RBFOX1: variants seen among roughly 807,000 people sequenced by gnomAD.
RBFOX1 encodes RNA binding fox-1 homolog 1.
Under a neutral mutation model 57.7 loss-of-function variants are expected in RBFOX1, and 8 were observed. The observed-to-expected ratio is 0.14, with a 90% CI of 0.08 to 0.25. The LOEUF (loss-of-function observed/expected upper bound fraction) is 0.25, where lower values mean the gene tolerates loss of function less well. Ranked by LOEUF, RBFOX1 falls within the 10% of genes least tolerant of loss-of-function variation. The probability of loss-of-function intolerance (pLI) is 1.00; values close to 1 mark genes in which losing one functional copy is unlikely to be tolerated. For synonymous variants in RBFOX1, 326 were observed against 222.4 expected (o/e 1.47, Z -4.15); for missense variants, 611 against 548.5 (o/e 1.11, Z -1.14).
intron 3 of RBFOX1, among the ~76,000 whole-genome samples, chr16:5,638,681 G>C (rs930236178): frequency 1.3e-5 from 2 of 152,196 alleles, no homozygotes; most frequent in Non-Finnish European, 2.9e-5. Context: ...AATGGGTTAA[G>C]GAAGGGAATA....
chr16:5,742,744 G>A (rs779428499), intron 3 of RBFOX1, among the ~76,000 whole-genome samples: 93 of 152,214 alleles, frequency 6.1e-4, no homozygotes, highest in Non-Finnish European at 2.5e-4. Context: ...CCTTGTTTAC[G>A]TCTAGATAGC....
At chr16:6,365,631 A>G (rs1446609159) in intron 2 of RBFOX1, among the ~76,000 whole-genome samples, 1 of 152,136 alleles carries the variant, frequency 6.6e-6, no homozygotes, top group Non-Finnish European at 1.5e-5. Context: ...TAAGGATGAG[A>G]CCACTTCACC....
chr16:5,748,937 C>G (rs544794208), intron 3 of RBFOX1, among the ~76,000 whole-genome samples: 2 of 152,224 alleles, frequency 1.3e-5, no homozygotes, highest in South Asian at 4.2e-4. Context: ...TTATTTTGCT[C>G]GTTAATTGAT....
At chr16:6,561,938 G>A (rs2097184402) in intron 2 of RBFOX1, among the ~76,000 whole-genome samples, 2 of 152,160 alleles carry the variant, frequency 1.3e-5, no homozygotes, top group Non-Finnish European at 2.9e-5. Context: ...GGTAAGTCAA[G>A]CTAAAGCTAA....
intron 3 of RBFOX1, among the ~76,000 whole-genome samples, chr16:6,781,249 T>C (rs1231879621): frequency 2.6e-5 from 4 of 152,188 alleles, no homozygotes; most frequent in African/African-American, 9.7e-5. Flanking sequence ...TTGTCTTTGT[T>C]GAACCATCCT....
At chr16:7,218,667 T>TGTGTGTGTGC (rs56754802) in intron 4 of RBFOX1, among the ~76,000 whole-genome samples, 8,864 of 148,156 alleles carry the variant, frequency 0.06, 860 homozygotes, top group African/African-American at 0.19. Flanking sequence ...TGTGTGTGTG[T>TGTGTGTGTGC]GTGTGTGTGT....
intron 4 of RBFOX1, among the ~76,000 whole-genome samples, chr16:7,122,658 G>C (rs567532486): frequency 3.9e-5 from 6 of 152,030 alleles, no homozygotes; most frequent in African/African-American, 1.4e-4. Flanking sequence ...AAAACATTTT[G>C]ACAGTCCGTT....
intron 4 of RBFOX1, among the ~76,000 whole-genome samples, chr16:7,334,434 C>T (rs1196456842): frequency 6.6e-6 from 1 of 152,020 alleles, no homozygotes; most frequent in Non-Finnish European, 1.5e-5. Flanking sequence ...CTACTGGAAA[C>T]GTGGGGTGAA....
At chr16:6,919,082 C>A (rs889506657) in intron 3 of RBFOX1, among the ~76,000 whole-genome samples, 4 of 152,136 alleles carry the variant, frequency 2.6e-5, no homozygotes, top group African/African-American at 9.7e-5. Context: ...TGGGTTTAAG[C>A]CATTCTCCTG....
chr16:7,109,654 C>T (rs998096197), intron 4 of RBFOX1, among the ~76,000 whole-genome samples: 2 of 152,088 alleles, frequency 1.3e-5, no homozygotes, highest in Admixed American at 6.6e-5. Context: ...TCCATATAGG[C>T]GCAGATAGTC....
chr16:6,280,827 A>G (rs1025282687), intron 1 of RBFOX1, among the ~76,000 whole-genome samples: 1 of 152,008 alleles, frequency 6.6e-6, no homozygotes, highest in Non-Finnish European at 1.5e-5. Flanking sequence ...TCCCGAGGAC[A>G]CATACTACAG....
chr16:6,800,337 G>A (rs766575655), intron 3 of RBFOX1, among the ~76,000 whole-genome samples: 12 of 152,138 alleles, frequency 7.9e-5, no homozygotes, highest in Non-Finnish European at 1.5e-5. Context: ...AAAAGTCAGG[G>A]CTACCTATTT....
chr16:6,500,561 AAT>A (rs1409026146), intron 2 of RBFOX1, among the ~76,000 whole-genome samples: 1 of 152,200 alleles, frequency 6.6e-6, no homozygotes, highest in African/African-American at 2.4e-5. Context: ...TTCTGAACAC[AAT>A]AGAGTCCCTT....
At chr16:5,479,368 G>C (rs917916697) in intron 2 of RBFOX1, among the ~76,000 whole-genome samples, 1 of 152,230 alleles carries the variant, frequency 6.6e-6, no homozygotes, top group Non-Finnish European at 1.5e-5. Flanking sequence ...AGCTAGGAGA[G>C]ATTAGAGATG....
chr16:6,767,526 C>T (rs78330980), intron 3 of RBFOX1, among the ~76,000 whole-genome samples: 3 of 152,044 alleles, frequency 2.0e-5, no homozygotes, highest in South Asian at 2.1e-4. Flanking sequence ...TAATTTAAAA[C>T]CTCACCCCCA....
chr16:5,560,350 T>C (rs373540311), intron 2 of RBFOX1, among the ~76,000 whole-genome samples: 3 of 151,104 alleles, frequency 2.0e-5, no homozygotes, highest in Non-Finnish European at 2.9e-5. Context: ...CTAGGAACCA[T>C]TGAATTACTT....
At chr16:6,636,942 AAAT>A (rs1235393298) in intron 2 of RBFOX1, among the ~76,000 whole-genome samples, 1 of 71,744 alleles carries the variant, frequency 1.4e-5, no homozygotes, top group African/African-American at 8.6e-5. Flanking sequence ...AATATACATA[AAAT>A]ATACATAAAA....
At chr16:6,197,477 C>G (rs540192478) in intron 1 of RBFOX1, among the ~76,000 whole-genome samples, 2 of 152,230 alleles carry the variant, frequency 1.3e-5, no homozygotes, top group East Asian at 1.9e-4. Context: ...TCTATCATCC[C>G]TGCTCCACCT....
At chr16:6,988,542 TTTTTA>T (rs1319683803) in intron 3 of RBFOX1, among the ~76,000 whole-genome samples, 3 of 151,690 alleles carry the variant, frequency 2.0e-5, no homozygotes, top group Admixed American at 1.3e-4. Flanking sequence ...TTCTTTTCCC[TTTTTA>T]TTTTAATTTA....
Sources: gnomAD v4.1 joint callset for allele counts (sites outside exome capture counted in the v4.1 genomes callset) on GRCh38, gnomAD v4.1.1 for gene constraint, MANE v1.5 for transcripts, NCBI Gene and HGNC (gene_info 2026-07-23, HGNC 2026-07-21) for gene names.